Variants in METTL24 observed in about 807,000 individuals in gnomAD.
METTL24 encodes the protein methyltransferase like 24, also known as probable methyltransferase-like protein 24.
METTL24 carries 29 observed loss-of-function variants against 32.7 expected under a neutral mutation model. The observed-to-expected ratio is 0.89, with a 90% confidence interval of 0.66 to 1.21. The LOEUF is 1.21. Among genes scored for constraint, METTL24 ranks in the 50% most tolerant of loss-of-function variants. The pLI is 0.00. For missense variants in METTL24, 439 were observed against 468.1 expected, an observed-to-expected ratio of 0.94 and a Z score of 0.57; for synonymous variants, 163 against 179.5, an observed-to-expected ratio of 0.91 and a Z score of 0.73.
At chr6:110,356,809 G>T (rs1367623221) in intron 1 of METTL24, among the ~76,000 whole-genome samples, 2 of 152,178 alleles carry the variant, frequency 1.3e-5, no homozygotes, top group Admixed American at 6.5e-5. Context: ...GATAGAAAAA[G>T]GTATTTCAGT....
chr6:110,253,913 G>A, intron 4 of METTL24: 1 of 1,470,886 alleles, frequency 6.8e-7, no homozygotes, highest in South Asian at 1.4e-5. Flanking sequence ...GAATCTGAAG[G>A]AGGTGACTGC....
At chr6:110,324,384 A>G (rs1051347250) in intron 1 of METTL24, among the ~76,000 whole-genome samples, 16 of 152,160 alleles carry the variant, frequency 1.1e-4, no homozygotes, top group Non-Finnish European at 1.5e-4. Flanking sequence ...AGGAACCCAT[A>G]GGGCAGGGCC....
intron 4 of METTL24, among the ~76,000 whole-genome samples, chr6:110,291,516 C>CT (rs556308757): frequency 3.3e-5 from 5 of 151,890 alleles, no homozygotes; most frequent in African/African-American, 1.2e-4. Flanking sequence ...ACGTGTTTCT[C>CT]TTTTTTTTCT....
chr6:110,303,867 C>T (rs1047379665), intron 3 of METTL24, among the ~76,000 whole-genome samples: 9 of 152,188 alleles, frequency 5.9e-5, no homozygotes, highest in Non-Finnish European at 8.8e-5. Context: ...TGCCTCCTGA[C>T]GGGGAGACAC....
At position 110,315,462 on chromosome 6, in the gene METTL24, T is replaced by C. The variant is rs1771802345; in HGVS notation, c.437A>G (p.Asn146Ser). Residue 146 changes from asparagine to serine, a missense_variant, in exon 3 of 5, where the codon AAT (asparagine) becomes AGT (serine). By Grantham distance (46) the Asn-to-Ser change is conservative (BLOSUM62 1). Coordinates refer to ENST00000338882, the MANE Select transcript of METTL24 (RefSeq NM_001123364.3). ...STTQIACNHM[N>S]TDSLATDSSP... is the part of the protein sequence containing the mutation. ...AGAGTCAGTAGCCAGGCTGTCTGTA[T>C]TCATGTGATTGCATGCAATCTGTAA... The C allele has an allele frequency of 6.2e-7, 1 of 1,614,034 alleles. No individual in the cohort carries two copies. The highest frequency in any genetic ancestry group is 1.3e-5 in the African/African-American group (1 of 75,036).
chr6:110,266,816 T>C (rs1485168144), intron 4 of METTL24, among the ~76,000 whole-genome samples: 1 of 152,206 alleles, frequency 6.6e-6, no homozygotes, highest in African/African-American at 2.4e-5. Context: ...AATGAAAGCA[T>C]AGATTATTTT....
chr6:110,343,062 AC>A (rs1222934718), intron 1 of METTL24, among the ~76,000 whole-genome samples: 4 of 152,136 alleles, frequency 2.6e-5, no homozygotes, highest in African/African-American at 9.7e-5. Flanking sequence ...TTAGGTATAT[AC>A]CTGGAATGCA....
At chr6:110,335,925 G>T (rs2114766470) in intron 1 of METTL24, among the ~76,000 whole-genome samples, 1 of 152,232 alleles carries the variant, frequency 6.6e-6, no homozygotes, top group South Asian at 2.1e-4. Context: ...TCCAACCCAG[G>T]TCTGAGTTTT....
At chr6:110,298,365 G>C (rs184239814) in intron 4 of METTL24, among the ~76,000 whole-genome samples, 1 of 152,192 alleles carries the variant, frequency 6.6e-6, no homozygotes, top group Non-Finnish European at 1.5e-5. Flanking sequence ...TGTTTGCAGA[G>C]ATTTGACATC....
chr6:110,272,348 C>T (rs1290589153), intron 4 of METTL24, among the ~76,000 whole-genome samples: 1 of 152,192 alleles, frequency 6.6e-6, no homozygotes, highest in Non-Finnish European at 1.5e-5. Flanking sequence ...ATACATACCA[C>T]CTTTTCTTTA....
At chr6:110,303,580 G>T (rs1007366898) in intron 3 of METTL24, among the ~76,000 whole-genome samples, 1 of 152,158 alleles carries the variant, frequency 6.6e-6, no homozygotes, top group African/African-American at 2.4e-5. Context: ...CCACCACGGC[G>T]CCTCAAAGCT....
chr6:110,275,526 T>A (rs1421343353), intron 4 of METTL24, among the ~76,000 whole-genome samples: 1 of 152,100 alleles, frequency 6.6e-6, no homozygotes, highest in Non-Finnish European at 1.5e-5. Context: ...CCAAGCCAAA[T>A]AAGCTACCTC....
At chr6:110,349,260 T>C (rs975127680) in intron 1 of METTL24, among the ~76,000 whole-genome samples, 1 of 152,204 alleles carries the variant, frequency 6.6e-6, no homozygotes, top group Non-Finnish European at 1.5e-5. Flanking sequence ...GCTCTGACCA[T>C]TGGATTGTGA....
At chr6:110,350,686 G>A (rs184265162) in intron 1 of METTL24, among the ~76,000 whole-genome samples, 59 of 151,654 alleles carry the variant, frequency 3.9e-4, no homozygotes, top group African/African-American at 1.4e-3. Context: ...AAAACTTTGG[G>A]AGGCCAAGGT....
chr6:110,258,040 G>A (rs1309489263), intron 4 of METTL24, among the ~76,000 whole-genome samples: 1 of 152,140 alleles, frequency 6.6e-6, no homozygotes, highest in Admixed American at 6.6e-5. Context: ...TAAAACAATA[G>A]GACCCATATC....
chr6:110,259,462 G>A (rs569409272), intron 4 of METTL24, among the ~76,000 whole-genome samples: 46 of 152,314 alleles, frequency 3.0e-4, no homozygotes, highest in African/African-American at 8.4e-4. Context: ...TAAACAAAGC[G>A]GCCAGGAAGC....
chr6:110,246,471 T>TG (rs1399515920), intron 4 of METTL24, among the ~76,000 whole-genome samples: 2 of 152,174 alleles, frequency 1.3e-5, no homozygotes, highest in African/African-American at 2.4e-5. Flanking sequence ...TTTTAAGAGA[T>TG]GGGGGTCTCG....
intron 3 of METTL24, among the ~76,000 whole-genome samples, chr6:110,308,703 T>C (rs9487369): frequency 0.19 from 29,151 of 152,078 alleles, 3,879 homozygotes; most frequent in African/African-American, 0.38. Context: ...TATCAACCAA[T>C]GAATGAATAA....
At position 110,262,028 on chromosome 6, in the gene METTL24, T is replaced by C. The variant is rs1770741113; in HGVS notation, c.787-15768A>G. ...AAGAGAAAGCAGGAAAGATCTAAAA[T>C]TGACACCCTAACATCACAATTAAAA... On this transcript the variant is annotated intron_variant, in intron 4 of 4. Coordinates refer to ENST00000338882, the MANE Select transcript of METTL24 (RefSeq NM_001123364.3). Among the ~76,000 whole-genome samples, 4 of 152,108 alleles carry C rather than the reference T, an allele frequency of 2.6e-5. No homozygotes were observed. In the South Asian group the frequency reaches 6.2e-4, roughly 24 times the overall value.
Sources: allele counts gnomAD v4.1 joint callset (sites outside exome capture counted in the v4.1 genomes callset), GRCh38; gene constraint gnomAD v4.1.1; transcripts MANE v1.5; gene names NCBI Gene and HGNC (gene_info 2026-07-23, HGNC 2026-07-21).